Variants in BCL11B observed in about 807,000 individuals in gnomAD.
The protein encoded by BCL11B is BCL11 transcription factor B.
A neutral mutation model predicts 49.9 loss-of-function variants in BCL11B; 8 were observed. That is an observed-to-expected ratio of 0.16 (90% CI 0.09 to 0.29). The LOEUF (loss-of-function observed/expected upper bound fraction) is 0.29, where lower values mean the gene tolerates loss of function less well. BCL11B is among the 10% of genes least tolerant of loss of function. The pLI is 1.00. For missense variants in BCL11B, 1,006 were observed against 1,351.0 expected, an observed-to-expected ratio of 0.74 and a Z score of 4.00; for synonymous variants, 739 against 637.4, an observed-to-expected ratio of 1.16 and a Z score of -2.40.
intron 3 of BCL11B, among the ~76,000 whole-genome samples, chr14:99,221,197 G>A (rs1395799788): frequency 1.3e-5 from 2 of 152,138 alleles, no homozygotes; most frequent in African/African-American, 2.4e-5. Flanking sequence ...TAATAACTGA[G>A]TTGGCTAATA....
At chr14:99,261,094 G>A (rs972149799) in intron 1 of BCL11B, among the ~76,000 whole-genome samples, 23 of 152,172 alleles carry the variant, frequency 1.5e-4, no homozygotes, top group African/African-American at 5.3e-4. Flanking sequence ...AGGCTGTGGC[G>A]CTGTGCCTTG....
intron 2 of BCL11B, among the ~76,000 whole-genome samples, chr14:99,255,226 A>C (rs1889122850): frequency 1.3e-5 from 2 of 152,152 alleles, no homozygotes; most frequent in Admixed American, 1.3e-4. Flanking sequence ...GCCTTTGATT[A>C]AAATAACATT....
intron 1 of BCL11B, 38 bp downstream of exon 1, chr14:99,271,123 C>T: frequency 6.6e-7 from 1 of 1,522,534 alleles, no homozygotes; most frequent in East Asian, 2.7e-5. Context: ...CCCGGAGCCC[C>T]ATCTCCGGCC....
intron 2 of BCL11B, among the ~76,000 whole-genome samples, chr14:99,234,787 A>G (rs1888440778): frequency 6.7e-6 from 1 of 149,368 alleles, no homozygotes; most frequent in South Asian, 2.1e-4. Context: ...TTCTCTGAGC[A>G]TAGCAAAGCG....
chr14:99,175,586 G>C lies in BCL11B; in HGVS notation c.1250C>G (p.Thr417Arg). Residue 417 changes from threonine to arginine, a missense_variant, in exon 4 of 4, where the codon ACG (threonine) becomes AGG (arginine). Transcript: ENST00000357195. ...PPLPPMPPGGTPPPQPPAKSK... is the reference protein window; with the variant it reads ...PPLPPMPPGGRPPPQPPAKSK... ...CTTGGCTGGCGGCTGCGGGGGCGGC[G>C]TGCCGCCAGGGGGCATGGGCGGCAG... 1 of 1,581,344 alleles carries C rather than the reference G, an allele frequency of 6.3e-7. No individual in the cohort carries two copies.
intron 3 of BCL11B, among the ~76,000 whole-genome samples, chr14:99,178,382 T>C (rs922840669): frequency 6.6e-6 from 1 of 152,160 alleles, no homozygotes; most frequent in Non-Finnish European, 1.5e-5. Context: ...GGTAACTCAG[T>C]TCTCCCATGA....
At position 99,205,767 on chromosome 14, in the gene BCL11B, A is replaced by G. The variant is rs971145991; in HGVS notation, c.640+25578T>C. ...TTACCTCCAAAATTAAAAGAAAATA[A>G]CAGCACACATACCAGTTCCCGGGAG... On this transcript the variant is annotated intron_variant, in intron 3 of 3. Coordinates refer to ENST00000357195, the MANE Select transcript of BCL11B (RefSeq NM_138576.4). This position sits in a 1 kb window ranked among gnomAD's most constrained non-coding sequence, Gnocchi z 5.0. Among the ~76,000 whole-genome samples the G allele has an allele frequency of 5.3e-5, 8 of 152,166 alleles. No homozygotes were observed. The highest frequency in any genetic ancestry group is 1.9e-4 in the East Asian group (1 of 5,198).
At chr14:99,217,128 GCA>G (rs1380932342) in intron 3 of BCL11B, among the ~76,000 whole-genome samples, 4 of 151,794 alleles carry the variant, frequency 2.6e-5, no homozygotes, top group South Asian at 2.1e-4. Flanking sequence ...ACACATATGT[GCA>G]CACACAAATA....
chr14:99,185,752 C>T (rs1021305371), intron 3 of BCL11B, among the ~76,000 whole-genome samples: 2 of 151,646 alleles, frequency 1.3e-5, no homozygotes, highest in Non-Finnish European at 2.9e-5. Flanking sequence ...CACACTCGCC[C>T]TCCTGACCCA....
chr14:99,176,376 G>A (rs1024786329), intron 3 of BCL11B, among the ~76,000 whole-genome samples, 181 bp from the exon 4 acceptor site: 1 of 152,204 alleles, frequency 6.6e-6, no homozygotes, highest in Non-Finnish European at 1.5e-5. Flanking sequence ...TCCTGGCTGG[G>A]GGGCCGAAGA....
chr14:99,226,353 T>C (rs1430062727), intron 3 of BCL11B, among the ~76,000 whole-genome samples: 1 of 152,076 alleles, frequency 6.6e-6, no homozygotes, highest in Non-Finnish European at 1.5e-5. Flanking sequence ...ACTCACACGG[T>C]TCTTTTTTTG....
In BCL11B at chr14:99,173,727, T is replaced by TC. The variant is rs1440679040; in HGVS notation, c.*423dup. On this transcript the variant is annotated 3_prime_UTR_variant, in exon 4 of 4. Coordinates refer to ENST00000357195, the MANE Select transcript of BCL11B (RefSeq NM_138576.4). Reference sequence around the variant, plus strand: ...AATTTCAAAAAAGCAGCACCACCCCTCCCCCCAAATTATAATTTAAAAGAT... The same window carrying TC: ...AATTTCAAAAAAGCAGCACCACCCCTCCCCCCCAAATTATAATTTAAAAGAT... 2.6e-5 allele frequency: 6 copies of TC among 233,170 alleles called. No homozygotes were observed. Among genetic ancestry groups the TC allele is most frequent in the Non-Finnish European group, 4.2e-5 (5 of 119,054 alleles). The allele number at this position is 233,170 out of a possible 1,614,324, so 14.4% of individuals were successfully genotyped here. A position where few individuals can be genotyped will look rare whatever the true frequency, so the allele number is the denominator to read the frequency against.
At chr14:99,178,887 C>T (rs1886616590) in intron 3 of BCL11B, among the ~76,000 whole-genome samples, 1 of 152,292 alleles carries the variant, frequency 6.6e-6, no homozygotes, top group African/African-American at 2.4e-5. Context: ...CAGGCCACCT[C>T]CCTTCCCCCA....
chr14:99,237,978 A>G (rs929902556), intron 2 of BCL11B, among the ~76,000 whole-genome samples: 28 of 152,074 alleles, frequency 1.8e-4, no homozygotes, highest in Non-Finnish European at 3.5e-4. Context: ...AACATGGGCA[A>G]CTGCTCATCT....
At chr14:99,185,923 TCAA>T (rs771945543) in intron 3 of BCL11B, among the ~76,000 whole-genome samples, 5 of 152,240 alleles carry the variant, frequency 3.3e-5, no homozygotes, top group Non-Finnish European at 7.3e-5. Flanking sequence ...CGTCAACTTC[TCAA>T]CAACATTTAT....
At chr14:99,217,065 C>A (rs1006972856) in intron 3 of BCL11B, among the ~76,000 whole-genome samples, 3 of 152,142 alleles carry the variant, frequency 2.0e-5, no homozygotes, top group Non-Finnish European at 4.4e-5. Flanking sequence ...TACACTTAGT[C>A]ATGTACACAC....
intron 3 of BCL11B, among the ~76,000 whole-genome samples, chr14:99,191,622 G>C (rs1184797128): frequency 6.6e-6 from 1 of 152,038 alleles, no homozygotes; most frequent in Admixed American, 6.5e-5. Flanking sequence ...GGGGCTCCTA[G>C]GGAGCTCCGA....
chr14:99,219,636 A>G (rs924172843), intron 3 of BCL11B, among the ~76,000 whole-genome samples: 1 of 152,088 alleles, frequency 6.6e-6, no homozygotes, highest in African/African-American at 2.4e-5. Context: ...TCTCGCTCCT[A>G]GGGATTCTGA....
chr14:99,209,081 G>A (rs1887616398), intron 3 of BCL11B, among the ~76,000 whole-genome samples: 1 of 152,136 alleles, frequency 6.6e-6, no homozygotes, highest in Non-Finnish European at 1.5e-5. Context: ...ATAGAGAAGG[G>A]CTACAGTCTG....
Sources: gnomAD v4.1 joint callset for allele counts (sites outside exome capture counted in the v4.1 genomes callset) on GRCh38, gnomAD v4.1.1 for gene constraint, Gnocchi (gnomAD v3.1) non-coding constraint, MANE v1.5 for transcripts, NCBI Gene and HGNC (gene_info 2026-07-23, HGNC 2026-07-21) for gene names.